Variants in OR52E4 observed in about 807,000 individuals in gnomAD.
OR52E4 encodes the protein olfactory receptor family 52 subfamily E member 4, also known as olfactory receptor 52E4.
For synonymous variants in OR52E4, 169 were observed against 137.4 expected, an observed-to-expected ratio of 1.23 and a Z score of -1.61; for missense variants, 444 against 383.8, an observed-to-expected ratio of 1.16 and a Z score of -1.31.
chr11:5,885,082 C>A lies in OR52E4; in HGVS notation c.790C>A (p.Arg264Ser). ...TPAFFSFMTH[R>S]FGQNIPHYIH... ...AGCATTTTTTTCTTTTATGACACAT[C>A]GTTTTGGCCAAAACATTCCCCACTA... The change falls in exon 2 of 2, where the codon CGT becomes AGT. Residue 264 changes from arginine to serine, a missense_variant. By Grantham distance (110) the Arg-to-Ser change is moderately radical. Transcript: ENST00000641726. 1 of 1,613,420 alleles carries A rather than the reference C, an allele frequency of 6.2e-7. No homozygotes were observed. Among genetic ancestry groups the A allele is most frequent in the Non-Finnish European group, 8.5e-7 (1 of 1,179,674 alleles).
Position 5,884,533 on chromosome 11 carries a change from C to T in OR52E4, c.241C>T (p.Pro81Ser), listed in dbSNP as rs1847010206. The change falls in exon 2 of 2, where the codon CCC becomes TCC. Residue 81 changes from proline (P) to serine (S), a missense_variant. Physicochemically the swap from Pro to Ser is moderately conservative, Grantham distance 74. Coordinates refer to ENST00000641726, the MANE Select transcript of OR52E4 (RefSeq NM_001005165.2). ...TCTGGGTCTGTCCACATCCACTATCCCCAAAATGCTAGGAATCTTCTGGTT... is the reference window on the plus strand; with the variant it reads ...TCTGGGTCTGTCCACATCCACTATCTCCAAAATGCTAGGAATCTTCTGGTT... The part of the protein sequence containing the change: ...IDLGLSTSTI[P>S]KMLGIFWFNL... 1 of 1,613,472 alleles carries T rather than the reference C, an allele frequency of 6.2e-7. No individual in the cohort carries two copies. The highest frequency in any genetic ancestry group is 8.5e-7 in the Non-Finnish European group (1 of 1,179,668).
intron 1 of OR52E4, among the ~76,000 whole-genome samples, chr11:5,881,092 G>A (rs1783130476): frequency 6.6e-6 from 1 of 152,112 alleles, no homozygotes; most frequent in Non-Finnish European, 1.5e-5. Flanking sequence ...TGTTATTGCA[G>A]ACTTCTTTTG....
Position 5,884,912 on chromosome 11 carries a change from A to G in OR52E4, c.620A>G (p.Tyr207Cys). The G allele has an allele frequency of 2.5e-6, 4 of 1,613,122 alleles. No homozygotes were observed. Among genetic ancestry groups the G allele is most frequent in the African/African-American group, 2.7e-5 (2 of 74,946 alleles). ...NIIYGLMVIS[Y>C]IIVDVILIAS... ...ATCTATGGGCTCATGGTGATTTCTT[A>G]TATTATTGTGGATGTGATCTTAATT... Residue 207 changes from tyrosine (Y) to cysteine (C), a missense_variant, in exon 2 of 2, where the codon TAT becomes TGT. Tyr to Cys is a radical substitution (Grantham distance 194, BLOSUM62 -2). Coordinates refer to ENST00000641726, the MANE Select transcript of OR52E4 (RefSeq NM_001005165.2).
In OR52E4 at chr11:5,882,225, CTG is replaced by C. The variant is rs146470561; in HGVS notation, c.-75+1514_-75+1515del. 9.2e-5 allele frequency among the ~76,000 whole-genome samples: 14 copies of C among 152,172 alleles called. No homozygotes were observed. The East Asian group carries it at 1.9e-3, about 21-fold the overall frequency. ...AAAGAAGGCAAGAATTCAGGTAAAACTGTGAGAGGGTGGATGTGCTGGCAGCT... is the reference window on the plus strand; with the variant it reads ...AAAGAAGGCAAGAATTCAGGTAAAACTGAGAGGGTGGATGTGCTGGCAGCT... On this transcript the variant is annotated intron_variant, in intron 1 of 1. Transcript: ENST00000641726.
chr11:5,883,108 A>C (rs1380099280), intron 1 of OR52E4, among the ~76,000 whole-genome samples: 1 of 152,084 alleles, frequency 6.6e-6, no homozygotes, highest in African/African-American at 2.4e-5. Context: ...AGGTAGGCAC[A>C]ATTTTGGGAC....
chr11:5,884,969 T>C lies in OR52E4; in HGVS notation c.677T>C (p.Val226Ala). The change falls in exon 2 of 2, where the codon GTT (valine) becomes GCT (alanine). Residue 226 changes from valine (V) to alanine (A), a missense_variant. Coordinates refer to ENST00000641726, the MANE Select transcript of OR52E4 (RefSeq NM_001005165.2). ...TCCTATGTGCTTATCCTTAGAGCTG[T>C]TTTTCGCCTTCCCTCTCAAGATGTC... ...ASSYVLILRAVFRLPSQDVRL... is the reference protein window; with the variant it reads ...ASSYVLILRAAFRLPSQDVRL... The C allele has an allele frequency of 1.2e-6, 2 of 1,612,732 alleles. No individual in the cohort carries two copies. Among genetic ancestry groups the C allele is most frequent in the Non-Finnish European group, 1.7e-6 (2 of 1,178,984 alleles).
Position 5,884,780 on chromosome 11 carries a change from T to G in OR52E4, c.488T>G (p.Phe163Cys), listed in dbSNP as rs755909855. ...TTAGTTCTTGTAACCCCATTTGTGT[T>G]TCTCATTCTGCGTCTGCCATTCTGT... ...RNLVLVTPFVFLILRLPFCGH... is the reference protein window; with the variant it reads ...RNLVLVTPFVCLILRLPFCGH... The change falls in exon 2 of 2, where the codon TTT (phenylalanine) becomes TGT (cysteine). Residue 163 changes from phenylalanine (F) to cysteine (C), a missense_variant. By Grantham distance (205) the Phe-to-Cys change is radical (BLOSUM62 -2). Transcript: ENST00000641726. The G allele has an allele frequency of 1.2e-5, 19 of 1,613,550 alleles. No homozygotes were observed. Among genetic ancestry groups the G allele is most frequent in the Non-Finnish European group, 1.6e-5 (19 of 1,179,798 alleles).
At position 5,884,858 on chromosome 11, in the gene OR52E4, T is replaced by C; in HGVS notation, c.566T>C (p.Leu189Ser). The change falls in exon 2 of 2, where the codon TTG (leucine) becomes TCG (serine). Residue 189 changes from leucine (L) to serine (S), a missense_variant. Coordinates refer to ENST00000641726, the MANE Select transcript of OR52E4 (RefSeq NM_001005165.2). ...TGTGAGCACAGGGGTCTGGCCGGGT[T>C]GGCCTGTGCACCCATTAAGATCAAC... ...TYCEHRGLAG[L>S]ACAPIKINII... 6.2e-7 allele frequency: 1 copy of C among 1,613,398 alleles called. No individual in the cohort carries two copies.
rs1847043068 is a variant in OR52E4 at position 5,886,279 on chromosome 11, T to C, written c.*1048T>C. The C allele has an allele frequency of 6.6e-6, 1 of 151,942 alleles. No individual in the cohort carries two copies. Among genetic ancestry groups the C allele is most frequent in the African/African-American group, 2.4e-5 (1 of 41,382 alleles). 9.4% of individuals were successfully genotyped at this position (151,942 alleles called of 1,614,324 possible). A position where few individuals can be genotyped will look rare whatever the true frequency, so the allele number is the denominator to read the frequency against. On this transcript the variant is annotated 3_prime_UTR_variant, in exon 2 of 2. Transcript: ENST00000641726. ...GAGAACACTGACTAATACACTTTTC[T>C]TTTACATTCGTTCTCTGATAAAGTA...
rs1564992782 is a variant in OR52E4 at position 5,886,712 on chromosome 11, C to G, written c.*1481C>G. The G allele has an allele frequency of 6.6e-6, 1 of 152,008 alleles. No homozygotes were observed. The highest frequency in any genetic ancestry group is 2.4e-5 in the African/African-American group (1 of 41,416). The allele number at this position is 152,008 out of a possible 1,614,324, so 9.4% of individuals were successfully genotyped here. ...TATCAGGGTACTCATGCTTCAAAAT[C>G]AGAAGAAGTCTCCCTCATGTTCTAT... On this transcript the variant is annotated 3_prime_UTR_variant, in exon 2 of 2. Coordinates refer to ENST00000641726, the MANE Select transcript of OR52E4 (RefSeq NM_001005165.2).
In OR52E4 at chr11:5,884,389, T is replaced by C. The variant is rs766739325; in HGVS notation, c.97T>C (p.Phe33Leu). Residue 33 changes from phenylalanine to leucine, a missense_variant, in exon 2 of 2, where the codon TTC (phenylalanine) becomes CTC (leucine). Transcript: ENST00000641726. ...DTLHIWISFPFCIVYLIAIVG... is the reference protein window; with the variant it reads ...DTLHIWISFPLCIVYLIAIVG... ...TTTACATATCTGGATTTCTTTCCCATTCTGTATTGTGTACCTGATTGCCAT... is the reference window on the plus strand; with the variant it reads ...TTTACATATCTGGATTTCTTTCCCACTCTGTATTGTGTACCTGATTGCCAT... 52 of 1,613,122 alleles carry C rather than the reference T, an allele frequency of 3.2e-5. No individual in the cohort carries two copies. The highest frequency in any genetic ancestry group is 4.1e-5 in the Non-Finnish European group (48 of 1,179,380).
In OR52E4 at chr11:5,884,805, T is replaced by G. The variant is rs1439712651; in HGVS notation, c.513T>G (p.Cys171Trp). ...TTCTCATTCTGCGTCTGCCATTCTG[T>G]GGGCATAACATCGTACCTCACACAT... ...FVFLILRLPF[C>W]GHNIVPHTYC... Residue 171 changes from cysteine to tryptophan, a missense_variant, in exon 2 of 2, where the codon TGT becomes TGG. Coordinates refer to ENST00000641726, the MANE Select transcript of OR52E4 (RefSeq NM_001005165.2). 9 of 1,613,450 alleles carry G rather than the reference T, an allele frequency of 5.6e-6. No homozygotes were observed. The highest frequency in any genetic ancestry group is 1.7e-5 in the Admixed American group (1 of 59,868).
rs758712496 is a variant in OR52E4, at chr11:5,884,386, C to T, written c.94C>T (p.Pro32Ser). Residue 32 changes from proline (P) to serine (S), a missense_variant, in exon 2 of 2, where the codon CCA (proline) becomes TCA (serine). Coordinates refer to ENST00000641726, the MANE Select transcript of OR52E4 (RefSeq NM_001005165.2). Reference protein sequence around the residue: ...LDTLHIWISFPFCIVYLIAIV... With the variant: ...LDTLHIWISFSFCIVYLIAIV... Reference sequence around the variant, plus strand: ...CACTTTACATATCTGGATTTCTTTCCCATTCTGTATTGTGTACCTGATTGC... The same window carrying T: ...CACTTTACATATCTGGATTTCTTTCTCATTCTGTATTGTGTACCTGATTGC... 7.4e-6 allele frequency: 12 copies of T among 1,613,126 alleles called. No individual in the cohort carries two copies. In the Admixed American group the frequency reaches 1.8e-4, roughly 25 times the overall value.
Position 5,886,845 on chromosome 11 carries a change from G to C in OR52E4, c.*1614G>C, listed in dbSNP as rs1041124335. On this transcript the variant is annotated 3_prime_UTR_variant, in exon 2 of 2. Transcript: ENST00000641726. ...GGATATAGCCAAGTAGACAAGAAAA[G>C]CAACATCACCTATTCAGTATCTGTG... 6.6e-6 allele frequency: 1 copy of C among 152,092 alleles called. No individual in the cohort carries two copies. The highest frequency in any genetic ancestry group is 6.6e-5 in the Admixed American group (1 of 15,250). The allele number at this position is 152,092 out of a possible 1,614,324, so 9.4% of individuals were successfully genotyped here.
intron 1 of OR52E4, among the ~76,000 whole-genome samples, chr11:5,882,696 CCG>C (rs756079480): frequency 1.9e-4 from 28 of 148,804 alleles, no homozygotes; most frequent in Middle Eastern, 3.4e-3. Flanking sequence ...CCAACCTTCT[CCG>C]TCTCTCTCTC....
rs2134278837 is a variant in OR52E4 at position 5,886,207 on chromosome 11, A to G, written c.*976A>G. 6.6e-6 allele frequency: 1 copy of G among 151,512 alleles called. No individual in the cohort carries two copies. The highest frequency in any genetic ancestry group is 2.0e-4 in the East Asian group (1 of 5,086). 9.4% of individuals were successfully genotyped at this position (151,512 alleles called of 1,614,324 possible). On this transcript the variant is annotated 3_prime_UTR_variant, in exon 2 of 2. Coordinates refer to ENST00000641726, the MANE Select transcript of OR52E4 (RefSeq NM_001005165.2). The stretch of plus-strand genomic sequence containing the variant: ...TGTGTGTATGTGTACACACACACAC[A>G]CACACACACACATATATATATATAT...
rs960062587 is a variant in OR52E4, at chr11:5,885,461, T to C, written c.*230T>C. 4.6e-6 allele frequency: 2 copies of C among 433,830 alleles called. No individual in the cohort carries two copies. Among genetic ancestry groups the C allele is most frequent in the South Asian group, 4.3e-5 (1 of 23,230 alleles). The allele number at this position is 433,830 out of a possible 1,614,324, so 26.9% of individuals were successfully genotyped here. Reference sequence around the variant, plus strand: ...GTTAGAGATTAATGGAGAAGGTAACTATGCTGAAGGTTGAGGTGGCTTTGG... The same window carrying C: ...GTTAGAGATTAATGGAGAAGGTAACCATGCTGAAGGTTGAGGTGGCTTTGG... On this transcript the variant is annotated 3_prime_UTR_variant, in exon 2 of 2. Coordinates refer to ENST00000641726, the MANE Select transcript of OR52E4 (RefSeq NM_001005165.2).
Position 5,884,546 on chromosome 11 carries a change from G to T in OR52E4, c.254G>T (p.Gly85Val). The T allele has an allele frequency of 6.2e-7, 1 of 1,613,402 alleles. No homozygotes were observed. The highest frequency in any genetic ancestry group is 8.5e-7 in the Non-Finnish European group (1 of 1,179,686). The change falls in exon 2 of 2, where the codon GGA becomes GTA. Residue 85 changes from glycine to valine, a missense_variant. Physicochemically the swap from Gly to Val is moderately radical, Grantham distance 109. Coordinates refer to ENST00000641726, the MANE Select transcript of OR52E4 (RefSeq NM_001005165.2). The part of the protein sequence containing the change: ...LSTSTIPKML[G>V]IFWFNLQEIS... The stretch of plus-strand genomic sequence containing the variant: ...ACATCCACTATCCCCAAAATGCTAG[G>T]AATCTTCTGGTTCAACCTCCAAGAG...
At position 5,884,862 on chromosome 11, in the gene OR52E4, C is replaced by T. The variant is rs753708089; in HGVS notation, c.570C>T (p.Ala190=). Residue 190 remains alanine, a synonymous_variant, in exon 2 of 2, where the codon GCC becomes GCT. Transcript: ENST00000641726. ...YCEHRGLAGL[A]CAPIKINIIY... ...AGCACAGGGGTCTGGCCGGGTTGGC[C>T]TGTGCACCCATTAAGATCAACATAA... 3.7e-6 allele frequency: 6 copies of T among 1,613,338 alleles called. No homozygotes were observed. The South Asian group carries it at 4.4e-5, about 12-fold the overall frequency.
Sources: gnomAD v4.1 joint callset for allele counts (sites outside exome capture counted in the v4.1 genomes callset) on GRCh38, gnomAD v4.1.1 for gene constraint, MANE v1.5 for transcripts, NCBI Gene and HGNC (gene_info 2026-07-23, HGNC 2026-07-21) for gene names.